CHFR: variants seen among roughly 807,000 people sequenced by gnomAD.
CHFR encodes the protein checkpoint with forkhead and ring finger domains.
CHFR carries 57 observed loss-of-function variants against 87.6 expected under a neutral mutation model. The observed-to-expected ratio is 0.65, with a 90% confidence interval of 0.53 to 0.81. The LOEUF (loss-of-function observed/expected upper bound fraction) is 0.81, where lower values mean the gene tolerates loss of function less well. CHFR is among the 30% of genes least tolerant of loss of function. The pLI is 0.00. For missense variants in CHFR, 797 were observed against 865.8 expected (o/e 0.92, Z 1.00); for synonymous variants, 381 against 359.2 (o/e 1.06, Z -0.69).
chr12:132,852,076 C>T (rs1480886964), intron 11 of CHFR, among the ~76,000 whole-genome samples: 2 of 151,880 alleles, frequency 1.3e-5, no homozygotes, highest in African/African-American at 2.4e-5. Flanking sequence ...CTCCGCCTCC[C>T]GGGTTCACGC....
chr12:132,834,779 G>T lies in CHFR; in HGVS notation c.*6775C>A, dbSNP rs1037474971. ...CGCCCAGGCGGGAGTGCAGTGGTGC[G>T]ATCTCGGTTCACTGCAAGCTCCGCC... On this transcript the variant is annotated 3_prime_UTR_variant, in exon 18 of 18. Transcript: ENST00000450056. The T allele has an allele frequency of 6.7e-6, 1 of 149,694 alleles. No homozygotes were observed. The highest frequency in any genetic ancestry group is 1.5e-5 in the Non-Finnish European group (1 of 67,724). The allele number at this position is 149,694 out of a possible 1,614,324, so 9.3% of individuals were successfully genotyped here. A position where few individuals can be genotyped will look rare whatever the true frequency, so the allele number is the denominator to read the frequency against.
rs187003485 is a variant in CHFR, at chr12:132,854,035, C to T, written c.1230-462G>A. The stretch of plus-strand genomic sequence containing the variant: ...CACACTTCCCTTGTACTTCCAAAAA[C>T]GAGCAGATAAAAATGTCAACTGTAA... On this transcript the variant is annotated intron_variant, in intron 10 of 17. Coordinates refer to ENST00000450056, the MANE Select transcript of CHFR (RefSeq NM_001161346.2). The T allele has an allele frequency of 2.1e-4, 33 of 154,928 alleles. No individual in the cohort carries two copies. The East Asian group carries it at 2.5e-3, about 12-fold the overall frequency. 9.6% of individuals were successfully genotyped at this position (154,928 alleles called of 1,614,324 possible).
chr12:132,883,915 C>T (rs1251510709), intron 2 of CHFR, among the ~76,000 whole-genome samples: 1 of 152,192 alleles, frequency 6.6e-6, no homozygotes, highest in African/African-American at 2.4e-5. Flanking sequence ...GCCAGGAGTT[C>T]AAGACCAGCC....
intron 6 of CHFR, among the ~76,000 whole-genome samples, chr12:132,863,987 C>T (rs1951274548): frequency 6.6e-6 from 1 of 152,060 alleles, no homozygotes; most frequent in African/African-American, 2.4e-5. Flanking sequence ...TGGTCTCAAA[C>T]TCTTGAGCCC....
chr12:132,863,648 C>T (rs952429379), intron 6 of CHFR, among the ~76,000 whole-genome samples: 9 of 152,128 alleles, frequency 5.9e-5, no homozygotes, highest in Non-Finnish European at 1.0e-4. Flanking sequence ...GGTGTGATAA[C>T]GGGAAGGATA....
rs563112193 is a variant in CHFR, at chr12:132,855,354, G to A, written c.1229+1114C>T. ...GGAGAATCGCTTGAACCCGGGAGGC[G>A]GAGGTTGCAATGCGCCAAGATTGTG... On this transcript the variant is annotated intron_variant, in intron 10 of 17. Coordinates refer to ENST00000450056, the MANE Select transcript of CHFR (RefSeq NM_001161346.2). Among the ~76,000 whole-genome samples the A allele has an allele frequency of 5.6e-4, 85 of 152,054 alleles. 2 individuals are homozygous for A. Among genetic ancestry groups the A allele is most frequent in the Non-Finnish European group, 1.0e-3 (71 of 67,970 alleles).
chr12:132,886,608 G>A (rs756479695), intron 2 of CHFR, among the ~76,000 whole-genome samples: 2 of 152,126 alleles, frequency 1.3e-5, no homozygotes, highest in Non-Finnish European at 2.9e-5. Context: ...TCTCTCACCC[G>A]TTGTATGACT....
At position 132,869,741 on chromosome 12, in the gene CHFR, G is replaced by A. The variant is rs1176037831; in HGVS notation, c.461C>T (p.Pro154Leu). 42 of 1,551,454 alleles carry A rather than the reference G, an allele frequency of 2.7e-5. No homozygotes were observed. Among genetic ancestry groups the A allele is most frequent in the Non-Finnish European group, 3.7e-5 (42 of 1,146,996 alleles). Reference sequence around the variant, plus strand: ...TTCCTCAAAGCACACCTGAGTGGCGGGCGACGACGGAGGGACCCGGGGATC... The same window carrying A: ...TTCCTCAAAGCACACCTGAGTGGCGAGCGACGACGGAGGGACCCGGGGATC... The part of the protein sequence containing the change: ...GADPRVPPSS[P>L]ATQVCFEEPQ... The change falls in exon 6 of 18, where the codon CCC becomes CTC. Residue 154 changes from proline to leucine, a missense_variant. Physicochemically the swap from Pro to Leu is moderately conservative, Grantham distance 98 (BLOSUM62 -3). This residue lies in a region of CHFR where 597 missense variants were observed against 601.2 expected (regional missense o/e 0.99). Coordinates refer to ENST00000450056, the MANE Select transcript of CHFR (RefSeq NM_001161346.2).
chr12:132,851,926 A>G (rs1382418430), intron 11 of CHFR, among the ~76,000 whole-genome samples, 189 bp from the exon 12 acceptor site: 4 of 152,160 alleles, frequency 2.6e-5, no homozygotes, highest in Non-Finnish European at 4.4e-5. Context: ...CAGATTAACA[A>G]TAACCAAAAA....
chr12:132,876,912 A>G (rs1951642599), intron 3 of CHFR, among the ~76,000 whole-genome samples: 1 of 152,180 alleles, frequency 6.6e-6, no homozygotes, highest in Non-Finnish European at 1.5e-5. Context: ...CTCCTGTCTC[A>G]GCCTCCCGAG....
chr12:132,845,388 G>T (rs1164325413), intron 15 of CHFR, among the ~76,000 whole-genome samples: 1 of 152,012 alleles, frequency 6.6e-6, no homozygotes, highest in Non-Finnish European at 1.5e-5. Flanking sequence ...AACCTGGGAG[G>T]CGGAGCTTGC....
intron 6 of CHFR, among the ~76,000 whole-genome samples, chr12:132,865,415 C>T (rs985761377): frequency 7.9e-5 from 12 of 150,968 alleles, no homozygotes; most frequent in East Asian, 3.9e-4. Context: ...AGTGCAGTGA[C>T]GCGGTATCGG....
intron 14 of CHFR, 118 bp downstream of exon 14, chr12:132,847,967 C>T: frequency 1.3e-6 from 2 of 1,544,008 alleles, no homozygotes; most frequent in Non-Finnish European, 1.7e-6. Context: ...GCTCCCGGCT[C>T]CCCAACCCGC....
intron 6 of CHFR, among the ~76,000 whole-genome samples, chr12:132,868,809 G>C (rs1791941693): frequency 6.8e-6 from 1 of 146,822 alleles, no homozygotes; most frequent in Non-Finnish European, 1.5e-5. Context: ...ACTGCTGATG[G>C]GGCCGAGGGG....
In CHFR at chr12:132,848,070, G is replaced by A. The variant is rs374524420; in HGVS notation, c.1647+15C>T. The A allele has an allele frequency of 2.0e-4, 318 of 1,613,780 alleles. No individual in the cohort carries two copies. Among genetic ancestry groups the A allele is most frequent in the Non-Finnish European group, 2.5e-4 (293 of 1,179,962 alleles). On this transcript the variant is annotated intron_variant, in intron 14 of 17. Transcript: ENST00000450056. ...AATGTGGCTCCCGGCTCCCCAGCCC[G>A]CAGCGAGTCGGTACCTTCAGGATGT...
chr12:132,875,723 TG>T (rs1469014404), intron 3 of CHFR, among the ~76,000 whole-genome samples: 2 of 152,086 alleles, frequency 1.3e-5, no homozygotes, highest in Admixed American at 6.6e-5. Flanking sequence ...AGGCAGAGTT[TG>T]GGAAAGAGTC....
At chr12:132,872,124 AC>A (rs1408615033) in intron 4 of CHFR, 160 bp downstream of exon 4, 2 of 592,220 alleles carry the variant, frequency 3.4e-6, no homozygotes, top group Non-Finnish European at 6.1e-6. Flanking sequence ...CTCCCACTCA[AC>A]AGACACTATT....
chr12:132,857,219 T>C (rs1268409725), intron 9 of CHFR, among the ~76,000 whole-genome samples, 186 bp downstream of exon 9: 1 of 140,828 alleles, frequency 7.1e-6, no homozygotes, highest in African/African-American at 2.7e-5. Context: ...CGTGCCTGGG[T>C]GCTGGTGTGG....
At chr12:132,846,085 T>G (rs1299634719) in intron 15 of CHFR, among the ~76,000 whole-genome samples, 1 of 152,166 alleles carries the variant, frequency 6.6e-6, no homozygotes, top group African/African-American at 2.4e-5. Flanking sequence ...TTTGTCTTTT[T>G]GTTTTCATTT....
Sources: allele counts gnomAD v4.1 joint callset (sites outside exome capture counted in the v4.1 genomes callset), GRCh38; gene constraint gnomAD v4.1.1; regional missense constraint gnomAD v4.1.1; transcripts MANE v1.5; gene names NCBI Gene and HGNC (gene_info 2026-07-23, HGNC 2026-07-21).